FBXO28: variants seen among roughly 807,000 people sequenced by gnomAD.
FBXO28 encodes the protein F-box protein 28, also known as F-box only protein 28.
A neutral mutation model predicts 38.1 loss-of-function variants in FBXO28; 8 were observed. That is an observed-to-expected ratio of 0.21 (90% CI 0.12 to 0.38). The LOEUF is 0.38. FBXO28 is among the 10% of genes least tolerant of loss of function. The probability of loss-of-function intolerance (pLI) is 1.00; values close to 1 mark genes in which losing one functional copy is unlikely to be tolerated. For synonymous variants in FBXO28, 168 were observed against 173.8 expected, an observed-to-expected ratio of 0.97 and a Z score of 0.26; for missense variants, 345 against 460.6, an observed-to-expected ratio of 0.75 and a Z score of 2.30.
rs1301004844 is a variant in FBXO28 at position 224,114,240 on chromosome 1, G to T, written c.111G>T (p.Ala37=). The change falls in exon 1 of 5, where the codon GCG becomes GCT. Residue 37 remains alanine (A), a synonymous_variant. Coordinates refer to ENST00000366862, the MANE Select transcript of FBXO28 (RefSeq NM_015176.4). ...GSTQRQPPPP[A]PQHPQPGSQA... ...CCCAGCGACAGCCTCCACCGCCCGCGCCACAGCACCCGCAGCCGGGGTCCC... is the reference window on the plus strand; with the variant it reads ...CCCAGCGACAGCCTCCACCGCCCGCTCCACAGCACCCGCAGCCGGGGTCCC... 1.3e-6 allele frequency: 2 copies of T among 1,552,170 alleles called. No individual in the cohort carries two copies. The highest frequency in any genetic ancestry group is 2.4e-5 in the East Asian group (1 of 41,328).
intron 1 of FBXO28, among the ~76,000 whole-genome samples, chr1:224,121,188 T>G (rs1469170436): frequency 6.6e-6 from 1 of 152,166 alleles, no homozygotes; most frequent in Non-Finnish European, 1.5e-5. Context: ...TAGTCAACAT[T>G]TAATTGATTT....
chr1:224,117,385 C>T (rs1404817256), intron 1 of FBXO28, among the ~76,000 whole-genome samples: 2 of 151,806 alleles, frequency 1.3e-5, no homozygotes. Flanking sequence ...CCAGGCTGGT[C>T]TCGAACTCCT....
At chr1:224,152,402 T>C (rs1572026066) in intron 3 of FBXO28, among the ~76,000 whole-genome samples, 1 of 152,150 alleles carries the variant, frequency 6.6e-6, no homozygotes, top group African/African-American at 2.4e-5. Context: ...ATTAATAAAA[T>C]GGGTTTGGGC....
At chr1:224,117,996 A>ATTTATTTATTT (rs1558185406) in intron 1 of FBXO28, among the ~76,000 whole-genome samples, 1 of 78,996 alleles carries the variant, frequency 1.3e-5, no homozygotes, top group Non-Finnish European at 3.2e-5. Context: ...TTAATTAATT[A>ATTTATTTATTT]ATTAATTTAT....
At chr1:224,118,000 A>ATTTATTT (rs1558185437) in intron 1 of FBXO28, among the ~76,000 whole-genome samples, 4 of 57,370 alleles carry the variant, frequency 7.0e-5, no homozygotes, top group Non-Finnish European at 9.1e-5. Context: ...TTAATTAATT[A>ATTTATTT]ATTTATTTAT....
At chr1:224,156,152 A>G (rs1657767921) in intron 4 of FBXO28, among the ~76,000 whole-genome samples, 1 of 152,262 alleles carries the variant, frequency 6.6e-6, no homozygotes, top group South Asian at 2.1e-4. Flanking sequence ...GGTTTAGGAT[A>G]TGAATGGACC....
intron 2 of FBXO28, among the ~76,000 whole-genome samples, chr1:224,132,469 A>G (rs992140339): frequency 6.6e-6 from 1 of 152,138 alleles, no homozygotes; most frequent in Non-Finnish European, 1.5e-5. Context: ...TCATATATCA[A>G]TGTTGGGAAT....
intron 3 of FBXO28, among the ~76,000 whole-genome samples, chr1:224,137,326 C>T (rs1392391486): frequency 6.6e-6 from 1 of 151,424 alleles, no homozygotes; most frequent in African/African-American, 2.4e-5. Flanking sequence ...AGATCGAGAC[C>T]ATCCTGGCCA....
intron 3 of FBXO28, among the ~76,000 whole-genome samples, chr1:224,148,464 C>T (rs1434618424): frequency 2.0e-5 from 3 of 152,076 alleles, no homozygotes; most frequent in Non-Finnish European, 4.4e-5. Context: ...TCCTGCCTAA[C>T]ACGGTGAAAC....
At chr1:224,134,498 C>G (rs763911018) in intron 3 of FBXO28, 1 of 237,706 alleles carries the variant, frequency 4.2e-6, no homozygotes, top group Non-Finnish European at 8.2e-6. Context: ...GTTATGATGC[C>G]AGAGATACAG....
At chr1:224,117,699 A>G (rs967165552) in intron 1 of FBXO28, among the ~76,000 whole-genome samples, 1 of 152,128 alleles carries the variant, frequency 6.6e-6, no homozygotes, top group African/African-American at 2.4e-5. Flanking sequence ...ACAAGTGGCA[A>G]AGGTTAAGAA....
At chr1:224,136,811 G>C (rs1657200167) in intron 3 of FBXO28, among the ~76,000 whole-genome samples, 1 of 151,414 alleles carries the variant, frequency 6.6e-6, no homozygotes, top group Non-Finnish European at 1.5e-5. Context: ...GAGTCCATTG[G>C]TGCAATCTTG....
At chr1:224,137,496 C>A (rs568734319) in intron 3 of FBXO28, among the ~76,000 whole-genome samples, 7 of 151,358 alleles carry the variant, frequency 4.6e-5, no homozygotes, top group Non-Finnish European at 1.0e-4. Flanking sequence ...GCACTCCAGC[C>A]TGGCAACAGA....
At chr1:224,151,721 G>T (rs10799491) in intron 3 of FBXO28, among the ~76,000 whole-genome samples, 6,166 of 152,196 alleles carry the variant, frequency 0.041, 155 homozygotes, top group African/African-American at 0.058. Flanking sequence ...AGGGCCCATA[G>T]ATGTCATCCA....
intron 3 of FBXO28, among the ~76,000 whole-genome samples, chr1:224,138,504 T>C (rs1002673750): frequency 3.3e-5 from 5 of 151,854 alleles, no homozygotes; most frequent in Admixed American, 3.3e-4. Flanking sequence ...ATTCTCTTTA[T>C]CTTCTCTCAG....
At chr1:224,127,777 C>T (rs1656939937) in intron 1 of FBXO28, among the ~76,000 whole-genome samples, 1 of 151,936 alleles carries the variant, frequency 6.6e-6, no homozygotes, top group Non-Finnish European at 1.5e-5. Flanking sequence ...CGTGGTGGCA[C>T]GCAACTGTAA....
At chr1:224,124,269 T>G (rs1452533934) in intron 1 of FBXO28, among the ~76,000 whole-genome samples, 1 of 152,218 alleles carries the variant, frequency 6.6e-6, no homozygotes, top group African/African-American at 2.4e-5. Flanking sequence ...GAAAACTACA[T>G]TTATTCTCTT....
chr1:224,146,074 A>T (rs1657496504), intron 3 of FBXO28, among the ~76,000 whole-genome samples: 1 of 151,780 alleles, frequency 6.6e-6, no homozygotes, highest in Non-Finnish European at 1.5e-5. Flanking sequence ...CTCAAAAAAA[A>T]AAAAAAAAAA....
Position 224,158,375 on chromosome 1 carries a change from G to T in FBXO28, c.*629G>T. 3.6e-6 allele frequency: 1 copy of T among 280,900 alleles called. No individual in the cohort carries two copies. Among genetic ancestry groups the T allele is most frequent in the Non-Finnish European group, 5.4e-6 (1 of 185,586 alleles). 17.4% of individuals were successfully genotyped at this position (280,900 alleles called of 1,614,324 possible). Reference sequence around the variant, plus strand: ...TACCCAGCTGTTATACATGTTTTCAGTTCTCTTTGGGGGCCATGTCCTACA... The same window carrying T: ...TACCCAGCTGTTATACATGTTTTCATTTCTCTTTGGGGGCCATGTCCTACA... On this transcript the variant is annotated 3_prime_UTR_variant, in exon 5 of 5. Transcript: ENST00000366862.
Sources: allele counts gnomAD v4.1 joint callset (sites outside exome capture counted in the v4.1 genomes callset), GRCh38; gene constraint gnomAD v4.1.1; transcripts MANE v1.5; gene names NCBI Gene and HGNC (gene_info 2026-07-23, HGNC 2026-07-21).